The following KCNB2 variants were observed in gnomAD, a reference collection of about 807,000 sequenced individuals.
The protein encoded by KCNB2 is potassium voltage-gated channel subfamily B member 2.
Under a neutral mutation model 61.5 loss-of-function variants are expected in KCNB2, and 15 were observed. The observed-to-expected ratio is 0.24, with a 90% CI of 0.16 to 0.38. KCNB2 has a LOEUF of 0.38. Ranked by LOEUF, KCNB2 falls within the 10% of genes least tolerant of loss-of-function variation. The pLI, the probability that KCNB2 is intolerant of heterozygous loss-of-function variation, is 1.00. For synonymous variants in KCNB2, 457 were observed against 446.0 expected (o/e 1.02, Z -0.31); for missense variants, 828 against 1,125.2 (o/e 0.74, Z 3.78).
At chr8:72,729,855 A>C (rs1408192685) in intron 2 of KCNB2, among the ~76,000 whole-genome samples, 1 of 152,062 alleles carries the variant, frequency 6.6e-6, no homozygotes, top group African/African-American at 2.4e-5. Flanking sequence ...ATTACACTCC[A>C]GCCTGGGCAA....
intron 2 of KCNB2, among the ~76,000 whole-genome samples, chr8:72,721,496 G>A (rs1807548140): frequency 6.6e-6 from 1 of 152,208 alleles, no homozygotes; most frequent in African/African-American, 2.4e-5. Context: ...GAAAGTGAGA[G>A]TAAGGTTATT....
intron 2 of KCNB2, among the ~76,000 whole-genome samples, chr8:72,697,697 G>T (rs1807040184): frequency 6.6e-6 from 1 of 152,080 alleles, no homozygotes; most frequent in South Asian, 2.1e-4. Flanking sequence ...CACTATTCCA[G>T]AAAATTCAAT....
chr8:72,572,014 A>T (rs575727879), intron 2 of KCNB2, among the ~76,000 whole-genome samples: 6 of 152,334 alleles, frequency 3.9e-5, no homozygotes, highest in African/African-American at 1.4e-4. Flanking sequence ...GTTTAAAAGC[A>T]TATTTGAGAA....
chr8:72,676,925 C>T (rs1186941330), intron 2 of KCNB2, among the ~76,000 whole-genome samples: 3 of 152,114 alleles, frequency 2.0e-5, no homozygotes, highest in Admixed American at 6.5e-5. Context: ...TCTGTTCCCC[C>T]CACCCCTGCC....
Position 72,717,877 on chromosome 8 carries a change from A to G in KCNB2, c.579+149564A>G, listed in dbSNP as rs554282401. Among the ~76,000 whole-genome samples, 165 of 152,348 alleles carry G rather than the reference A, an allele frequency of 1.1e-3. 1 individual carries two copies. The highest frequency in any genetic ancestry group is 3.8e-3 in the African/African-American group (158 of 41,570). ...AAACTACCATCAGAGTGAACAGGCAACCTACAGAATGGGAGAAAATTTTTG... is the reference window on the plus strand; with the variant it reads ...AAACTACCATCAGAGTGAACAGGCAGCCTACAGAATGGGAGAAAATTTTTG... On this transcript the variant is annotated intron_variant, in intron 2 of 2. Transcript: ENST00000523207.
intron 2 of KCNB2, among the ~76,000 whole-genome samples, chr8:72,677,908 T>C (rs1425743561): frequency 6.6e-6 from 1 of 152,200 alleles, no homozygotes; most frequent in Non-Finnish European, 1.5e-5. Context: ...TTAGATAAAA[T>C]ACCACTATAC....
chr8:72,588,563 A>C (rs1224106763), intron 2 of KCNB2, among the ~76,000 whole-genome samples: 1 of 151,642 alleles, frequency 6.6e-6, no homozygotes, highest in East Asian at 1.9e-4. Context: ...TTCTCATCCC[A>C]TTTTACAGGT....
intron 2 of KCNB2, among the ~76,000 whole-genome samples, chr8:72,644,162 A>G (rs1806095170): frequency 6.6e-6 from 1 of 152,126 alleles, no homozygotes; most frequent in Non-Finnish European, 1.5e-5. Context: ...TCATACTCTG[A>G]AAACAATAAT....
At chr8:72,603,968 C>A (rs57091661) in intron 2 of KCNB2, among the ~76,000 whole-genome samples, 2,357 of 152,182 alleles carry the variant, frequency 0.015, 52 homozygotes, top group African/African-American at 0.053. Context: ...ATTTTCCCCC[C>A]GAGCTTTCAG....
intron 2 of KCNB2, among the ~76,000 whole-genome samples, chr8:72,695,576 A>G (rs1306104253): frequency 6.6e-6 from 1 of 152,194 alleles, no homozygotes; most frequent in Non-Finnish European, 1.5e-5. Context: ...TTCTTAATCT[A>G]TATTGGACAT....
chr8:72,760,578 C>T (rs1808361644), intron 2 of KCNB2, among the ~76,000 whole-genome samples: 1 of 152,166 alleles, frequency 6.6e-6, no homozygotes, highest in Non-Finnish European at 1.5e-5. Context: ...GAGATGGGAT[C>T]CTATGTTTCA....
At chr8:72,698,760 G>A (rs1273943780) in intron 2 of KCNB2, among the ~76,000 whole-genome samples, 4 of 152,062 alleles carry the variant, frequency 2.6e-5, no homozygotes, top group Admixed American at 2.6e-4. Flanking sequence ...ATAAGCAATG[G>A]GGAAAAGACT....
rs548173609 is a variant in KCNB2 at position 72,595,901 on chromosome 8, G to A, written c.579+27588G>A. On this transcript the variant is annotated intron_variant, in intron 2 of 2. Coordinates refer to ENST00000523207, the MANE Select transcript of KCNB2 (RefSeq NM_004770.3). ...CTATGGCTTTTTTCACGGTACAGTG[G>A]CAGAGTTCACTAGTTGAGACAGACA... Among the ~76,000 whole-genome samples the A allele has an allele frequency of 5.9e-5, 9 of 152,242 alleles. No homozygotes were observed. In the South Asian group the frequency reaches 1.9e-3, roughly 32 times the overall value.
rs561941036 is a variant in KCNB2 at position 72,719,094 on chromosome 8, T to C, written c.579+150781T>C. Among the ~76,000 whole-genome samples the C allele has an allele frequency of 4.6e-5, 7 of 152,308 alleles. No individual in the cohort carries two copies. The South Asian group carries it at 1.5e-3, about 32-fold the overall frequency. ...TTTTTTTTGTTTTGTTCTTTTGCTT[T>C]GTTTTTTTGTTTGTTTGTTTGTTTT... On this transcript the variant is annotated intron_variant, in intron 2 of 2. Coordinates refer to ENST00000523207, the MANE Select transcript of KCNB2 (RefSeq NM_004770.3).
chr8:72,708,882 CT>C (rs1807277638), intron 2 of KCNB2, among the ~76,000 whole-genome samples: 1 of 152,142 alleles, frequency 6.6e-6, no homozygotes, highest in Admixed American at 6.6e-5. Flanking sequence ...TATTCCTATC[CT>C]ATTTTTATCT....
intron 2 of KCNB2, among the ~76,000 whole-genome samples, chr8:72,635,972 AGAG>A (rs1290447624): frequency 6.6e-6 from 1 of 152,170 alleles, no homozygotes; most frequent in East Asian, 1.9e-4. Context: ...CACATTGGGA[AGAG>A]TAGTACTGTA....
chr8:72,596,168 G>A (rs1807186318), intron 2 of KCNB2, among the ~76,000 whole-genome samples: 1 of 152,222 alleles, frequency 6.6e-6, no homozygotes, highest in Admixed American at 6.5e-5. Context: ...AAAGGAAGGT[G>A]AGTAAATGAT....
intron 2 of KCNB2, among the ~76,000 whole-genome samples, chr8:72,842,188 T>G (rs1407086316): frequency 1.3e-5 from 2 of 152,238 alleles, no homozygotes; most frequent in African/African-American, 2.4e-5. Context: ...TCTATTGAGA[T>G]AATCATGTGG....
At chr8:72,932,175 A>C (rs986918094) in intron 2 of KCNB2, among the ~76,000 whole-genome samples, 3 of 152,094 alleles carry the variant, frequency 2.0e-5, no homozygotes, top group Middle Eastern at 3.2e-3. Flanking sequence ...GAAAGGAGAG[A>C]GTTTATTTCT....
Sources: gnomAD v4.1 joint callset for allele counts (sites outside exome capture counted in the v4.1 genomes callset) on GRCh38, gnomAD v4.1.1 for gene constraint, MANE v1.5 for transcripts, NCBI Gene and HGNC (gene_info 2026-07-23, HGNC 2026-07-21) for gene names.